Variants in RAPGEF2 observed in about 807,000 individuals in gnomAD.
RAPGEF2 encodes the protein Rap guanine nucleotide exchange factor 2.
A neutral mutation model predicts 186.7 loss-of-function variants in RAPGEF2; 54 were observed. The observed-to-expected ratio is 0.29, with a 90% CI of 0.23 to 0.36. The LOEUF (loss-of-function observed/expected upper bound fraction) is 0.36, where lower values mean the gene tolerates loss of function less well. Ranked by LOEUF, RAPGEF2 falls within the 10% of genes least tolerant of loss-of-function variation. The probability of loss-of-function intolerance (pLI) is 1.00; values close to 1 mark genes in which losing one functional copy is unlikely to be tolerated. For missense variants in RAPGEF2, 1,532 were observed against 2,045.0 expected (o/e 0.75, Z 4.84); for synonymous variants, 712 against 705.9 (o/e 1.01, Z -0.14).
chr4:159,170,009 G>A (rs1338792218), intron 1 of RAPGEF2, among the ~76,000 whole-genome samples: 1 of 150,954 alleles, frequency 6.6e-6, no homozygotes, highest in African/African-American at 2.4e-5. Flanking sequence ...TTTCCATAAT[G>A]AATATACTAA....
intron 1 of RAPGEF2, among the ~76,000 whole-genome samples, chr4:159,104,538 G>GGGAGAGAC (rs1560964954): frequency 1.3e-3 from 145 of 109,234 alleles, no homozygotes; most frequent in African/African-American, 5.0e-3. Flanking sequence ...GAGAGACAGA[G>GGGAGAGAC]AGAGAGAGAG....
At chr4:159,222,913 G>T (rs1455093891) in intron 4 of RAPGEF2, among the ~76,000 whole-genome samples, 1 of 107,554 alleles carries the variant, frequency 9.3e-6, no homozygotes, top group East Asian at 5.1e-4. Context: ...ATTATGAGTT[G>T]AATTATATAT....
chr4:159,177,852 C>G (rs551652669), intron 1 of RAPGEF2, among the ~76,000 whole-genome samples: 1 of 152,192 alleles, frequency 6.6e-6, no homozygotes, highest in East Asian at 1.9e-4. Flanking sequence ...GATCTTTTGC[C>G]CAAAAGGATA....
At chr4:159,143,512 C>G (rs185400139) in intron 1 of RAPGEF2, among the ~76,000 whole-genome samples, 1 of 152,022 alleles carries the variant, frequency 6.6e-6, no homozygotes, top group African/African-American at 2.4e-5. Context: ...AATATTCCAC[C>G]GGGCCCATAA....
intron 1 of RAPGEF2, among the ~76,000 whole-genome samples, chr4:159,118,815 C>G (rs61011101): frequency 6.6e-6 from 1 of 152,090 alleles, no homozygotes; most frequent in Non-Finnish European, 1.5e-5. Flanking sequence ...GGATTTCTGA[C>G]CTCAGGTGAT....
chr4:159,167,511 G>A (rs775822850), intron 1 of RAPGEF2, among the ~76,000 whole-genome samples: 24 of 152,212 alleles, frequency 1.6e-4, no homozygotes, highest in Non-Finnish European at 3.2e-4. Context: ...ATGTTGGGCC[G>A]GGAAAGACCC....
At chr4:159,112,154 CTGT>C (rs1289564296) in intron 1 of RAPGEF2, among the ~76,000 whole-genome samples, 1 of 152,160 alleles carries the variant, frequency 6.6e-6, no homozygotes, top group East Asian at 1.9e-4. Flanking sequence ...AAATGAATTT[CTGT>C]TGTTAGTGAA....
At chr4:159,150,491 A>C (rs961918941) in intron 1 of RAPGEF2, among the ~76,000 whole-genome samples, 1 of 152,208 alleles carries the variant, frequency 6.6e-6, no homozygotes, top group Non-Finnish European at 1.5e-5. Context: ...ACAAGACAGC[A>C]CTTCAGCATT....
rs758342151 is a variant in RAPGEF2, at chr4:159,341,958, A to G, written c.2918+11A>G. On this transcript the variant is annotated intron_variant, in intron 20 of 29. Transcript: ENST00000691494. ...GTTTGCAATCATCAGGTAAGAGAGCACATTTTTTCTTAAGATTCAGTTCAG... is the reference window on the plus strand; with the variant it reads ...GTTTGCAATCATCAGGTAAGAGAGCGCATTTTTTCTTAAGATTCAGTTCAG... The G allele has an allele frequency of 1.6e-5, 25 of 1,560,230 alleles. No individual in the cohort carries two copies. Among genetic ancestry groups the G allele is most frequent in the Non-Finnish European group, 2.2e-5 (25 of 1,158,064 alleles).
intron 7 of RAPGEF2, among the ~76,000 whole-genome samples, chr4:159,296,923 A>C (rs914952633): frequency 1.3e-5 from 2 of 152,254 alleles, no homozygotes; most frequent in African/African-American, 4.8e-5. Flanking sequence ...TTGAAACATT[A>C]GTCACCTTGT....
intron 1 of RAPGEF2, among the ~76,000 whole-genome samples, chr4:159,136,712 A>G (rs149627646): frequency 6.6e-6 from 1 of 152,298 alleles, no homozygotes; most frequent in East Asian, 1.9e-4. Context: ...GTTTTCTATA[A>G]TTATATATTT....
At chr4:159,177,480 A>G (rs1051506029) in intron 1 of RAPGEF2, among the ~76,000 whole-genome samples, 1 of 152,180 alleles carries the variant, frequency 6.6e-6, no homozygotes, top group Non-Finnish European at 1.5e-5. Context: ...TTTTGCAAAT[A>G]TGGTCTCACT....
intron 29 of RAPGEF2, 34 bp from the exon 30 acceptor site, chr4:159,358,080 A>G: frequency 6.2e-7 from 1 of 1,606,646 alleles, no homozygotes; most frequent in Non-Finnish European, 8.5e-7. Flanking sequence ...TTGCTTGCTC[A>G]TTGATTTCTT....
At chr4:159,236,222 C>T (rs1240585965) in intron 4 of RAPGEF2, among the ~76,000 whole-genome samples, 1 of 152,132 alleles carries the variant, frequency 6.6e-6, no homozygotes, top group Non-Finnish European at 1.5e-5. Context: ...GAAAAAGTTT[C>T]ATCAGGCTGT....
chr4:159,294,786 C>T (rs1176416114), intron 7 of RAPGEF2, among the ~76,000 whole-genome samples: 1 of 152,106 alleles, frequency 6.6e-6, no homozygotes, highest in Non-Finnish European at 1.5e-5. Context: ...CAAACTCTGC[C>T]TCCCAGGTGC....
Position 159,358,224 on chromosome 4 carries a change from C to G in RAPGEF2, c.*85C>G. On this transcript the variant is annotated 3_prime_UTR_variant, in exon 30 of 30. Transcript: ENST00000691494. The stretch of plus-strand genomic sequence containing the variant: ...CTGAGCATTGGAGCCTTGGAACTCA[C>G]ATTCTGAGGACGGTGGACCAGTTTG... 1.4e-6 allele frequency: 2 copies of G among 1,397,062 alleles called. No individual in the cohort carries two copies. Among genetic ancestry groups the G allele is most frequent in the South Asian group, 2.6e-5 (2 of 75,702 alleles). 86.5% of individuals were successfully genotyped at this position (1,397,062 alleles called of 1,614,324 possible). A position where few individuals can be genotyped will look rare whatever the true frequency, so the allele number is the denominator to read the frequency against.
At chr4:159,294,630 C>T (rs958779231) in intron 7 of RAPGEF2, among the ~76,000 whole-genome samples, 2 of 144,600 alleles carry the variant, frequency 1.4e-5, no homozygotes, top group African/African-American at 5.2e-5. Context: ...TTTGAGCTTC[C>T]ATTTCTTCCT....
At chr4:159,220,841 A>T (rs1461303881) in intron 4 of RAPGEF2, among the ~76,000 whole-genome samples, 1 of 152,224 alleles carries the variant, frequency 6.6e-6, no homozygotes, top group Non-Finnish European at 1.5e-5. Context: ...GTTGGGTCAG[A>T]ATTATATTTT....
At chr4:159,240,566 C>G (rs1407520133) in intron 5 of RAPGEF2, among the ~76,000 whole-genome samples, 1 of 151,884 alleles carries the variant, frequency 6.6e-6, no homozygotes, top group Non-Finnish European at 1.5e-5. Context: ...AACTCCTGAC[C>G]TCGTGATCCA....
Sources: allele counts gnomAD v4.1 joint callset (sites outside exome capture counted in the v4.1 genomes callset), GRCh38; gene constraint gnomAD v4.1.1; transcripts MANE v1.5; gene names NCBI Gene and HGNC (gene_info 2026-07-23, HGNC 2026-07-21).